The following ADAMTSL1 variants were observed in gnomAD, a reference collection of about 807,000 sequenced individuals.
ADAMTSL1 encodes the protein ADAMTS like 1.
ADAMTSL1 carries 126 observed loss-of-function variants against 201.8 expected under a neutral mutation model. The observed-to-expected ratio is 0.62, with a 90% CI of 0.54 to 0.72. The LOEUF (loss-of-function observed/expected upper bound fraction) is 0.72, where lower values mean the gene tolerates loss of function less well. ADAMTSL1 is among the 30% of genes least tolerant of loss of function. ADAMTSL1 has a pLI of 0.00. For synonymous variants in ADAMTSL1, 1,121 were observed against 903.4 expected (o/e 1.24, Z -4.32); for missense variants, 2,679 against 2,277.8 (o/e 1.18, Z -3.59).
At chr9:18,794,519 C>A (rs1822254273) in intron 19 of ADAMTSL1, among the ~76,000 whole-genome samples, 1 of 151,978 alleles carries the variant, frequency 6.6e-6, no homozygotes, top group African/African-American at 2.4e-5. Context: ...GCGGCTGTGA[C>A]ACAGAATTTC....
At chr9:18,871,515 C>T (rs932056891) in intron 23 of ADAMTSL1, among the ~76,000 whole-genome samples, 2 of 152,188 alleles carry the variant, frequency 1.3e-5, no homozygotes, top group African/African-American at 2.4e-5. Context: ...AAGACAAGTT[C>T]CCAAAATCTG....
At chr9:18,149,926 G>C (rs1826833158) in intron 1 of ADAMTSL1, among the ~76,000 whole-genome samples, 1 of 152,038 alleles carries the variant, frequency 6.6e-6, no homozygotes, top group Admixed American at 6.6e-5. Context: ...ATTATAGGCA[G>C]ACTTACAGTT....
At position 18,775,592 on chromosome 9, in the gene ADAMTSL1, C is replaced by T. The variant is rs556664366; in HGVS notation, c.2398-151C>T. ...ATGTCTACAAGATGGGCAGGTCTTCCACATTGTGACCTCATAATTAGTATT... is the reference window on the plus strand; with the variant it reads ...ATGTCTACAAGATGGGCAGGTCTTCTACATTGTGACCTCATAATTAGTATT... On this transcript the variant is annotated intron_variant, in intron 17 of 28. Coordinates refer to ENST00000380548, the MANE Select transcript of ADAMTSL1 (RefSeq NM_001040272.6). 3 of 1,057,612 alleles carry T rather than the reference C, an allele frequency of 2.8e-6. No homozygotes were observed. The African/African-American group carries it at 4.8e-5, about 17-fold the overall frequency. The allele number at this position is 1,057,612 out of a possible 1,614,324, so 65.5% of individuals were successfully genotyped here.
intron 1 of ADAMTSL1, among the ~76,000 whole-genome samples, chr9:18,005,957 T>C (rs746527940): frequency 1.3e-5 from 2 of 151,958 alleles, no homozygotes; most frequent in Admixed American, 6.6e-5. Context: ...CATAGACTTA[T>C]TGATATGTGG....
chr9:18,839,234 A>C (rs10756992), intron 23 of ADAMTSL1, among the ~76,000 whole-genome samples: 128,727 of 143,962 alleles, frequency 0.89, 57,691 homozygotes, highest in African/African-American at 0.96. Flanking sequence ...CTTCCTGTGT[A>C]CATGTGTTCT....
intron 21 of ADAMTSL1, among the ~76,000 whole-genome samples, chr9:18,825,956 C>A (rs1469179576): frequency 1.3e-5 from 2 of 152,104 alleles, no homozygotes; most frequent in Non-Finnish European, 2.9e-5. Context: ...CTTGGCAAGC[C>A]CCCCCTGCCA....
chr9:18,329,474 CA>C (rs1834948063), intron 2 of ADAMTSL1, among the ~76,000 whole-genome samples: 1 of 152,098 alleles, frequency 6.6e-6, no homozygotes, highest in African/African-American at 2.4e-5. Flanking sequence ...AGGAGTCCTC[CA>C]AAACGTGTCC....
At chr9:18,414,735 G>A (rs1048059029) in intron 2 of ADAMTSL1, among the ~76,000 whole-genome samples, 1 of 152,112 alleles carries the variant, frequency 6.6e-6, no homozygotes, top group African/African-American at 2.4e-5. Context: ...TACCAACAAG[G>A]AGATAATTAT....
chr9:18,678,112 T>C (rs1352210250), intron 10 of ADAMTSL1, among the ~76,000 whole-genome samples: 2 of 152,114 alleles, frequency 1.3e-5, no homozygotes, highest in Non-Finnish European at 2.9e-5. Flanking sequence ...TATGAGAATG[T>C]AGTCTGAATA....
At chr9:18,674,477 C>T (rs1008320904) in intron 9 of ADAMTSL1, among the ~76,000 whole-genome samples, 13 of 151,976 alleles carry the variant, frequency 8.6e-5, no homozygotes, top group African/African-American at 3.1e-4. Context: ...CTCTCTCTCT[C>T]CTTCTTACCT....
At chr9:18,091,173 G>GT (rs1824003077) in intron 1 of ADAMTSL1, among the ~76,000 whole-genome samples, 1 of 151,706 alleles carries the variant, frequency 6.6e-6, no homozygotes, top group Non-Finnish European at 1.5e-5. Flanking sequence ...TTTTTTGTTT[G>GT]TTTTTTGTTC....
chr9:18,153,384 TA>T (rs1827006839), intron 1 of ADAMTSL1, among the ~76,000 whole-genome samples: 1 of 152,112 alleles, frequency 6.6e-6, no homozygotes, highest in African/African-American at 2.4e-5. Flanking sequence ...CCTCTAATTC[TA>T]AAATTTATAA....
chr9:17,984,804 C>G (rs545640318), intron 1 of ADAMTSL1, among the ~76,000 whole-genome samples: 2 of 152,258 alleles, frequency 1.3e-5, no homozygotes, highest in East Asian at 3.9e-4. Context: ...TAGCTGTAGT[C>G]TAGCTCTGAT....
At chr9:18,266,029 T>C (rs1205451808) in intron 2 of ADAMTSL1, among the ~76,000 whole-genome samples, 1 of 152,054 alleles carries the variant, frequency 6.6e-6, no homozygotes, top group Non-Finnish European at 1.5e-5. Flanking sequence ...AAATTTAAAG[T>C]AAAAATAATT....
intron 23 of ADAMTSL1, among the ~76,000 whole-genome samples, chr9:18,844,504 A>G (rs968348849): frequency 3.3e-5 from 5 of 152,146 alleles, no homozygotes; most frequent in South Asian, 2.1e-4. Flanking sequence ...CCCACTTGAG[A>G]AGGCAGTCTG....
rs202003758 is a variant in ADAMTSL1, at chr9:18,716,789, A to C, written c.1877-4747A>C. Among the ~76,000 whole-genome samples the C allele has an allele frequency of 2.8e-5, 4 of 144,404 alleles. No homozygotes were observed. In the South Asian group the frequency reaches 7.2e-4, roughly 26 times the overall value. 94.7% of individuals were successfully genotyped at this position (144,404 alleles called of 152,430 possible). ...TGCTGCTATAAAGACACATGCACAC[A>C]TATGTTTATTGCGGCATTATTCACA... is the stretch of plus-strand genomic sequence containing the variant. On this transcript the variant is annotated intron_variant, in intron 14 of 28. Coordinates refer to ENST00000380548, the MANE Select transcript of ADAMTSL1 (RefSeq NM_001040272.6).
At chr9:18,510,013 G>A (rs1753888828) in intron 2 of ADAMTSL1, among the ~76,000 whole-genome samples, 1 of 152,116 alleles carries the variant, frequency 6.6e-6, no homozygotes, top group Non-Finnish European at 1.5e-5. Flanking sequence ...ATGCTTAGAG[G>A]CCTAGCAGGT....
At chr9:18,606,359 C>A (rs867541024) in intron 4 of ADAMTSL1, among the ~76,000 whole-genome samples, 2 of 150,660 alleles carry the variant, frequency 1.3e-5, no homozygotes, top group Non-Finnish European at 2.9e-5. Context: ...TTTTTGAGTG[C>A]CTTTAGCTTG....
intron 23 of ADAMTSL1, among the ~76,000 whole-genome samples, chr9:18,871,830 G>C (rs1827886257): frequency 6.6e-6 from 1 of 152,198 alleles, no homozygotes; most frequent in Middle Eastern, 3.4e-3. Flanking sequence ...ACTCTCTAAA[G>C]CTAGTGCATC....
Sources: allele counts gnomAD v4.1 joint callset (sites outside exome capture counted in the v4.1 genomes callset), GRCh38; gene constraint gnomAD v4.1.1; transcripts MANE v1.5; gene names NCBI Gene and HGNC (gene_info 2026-07-23, HGNC 2026-07-21).